Variants in KCNMB2 observed in about 807,000 individuals in gnomAD.
The protein encoded by KCNMB2 is calcium-activated potassium channel subunit beta-2.
In KCNMB2, 9 loss-of-function variants were observed where a neutral mutation model predicts 24.5. The ratio of observed to expected loss-of-function variants is 0.37; its 90% confidence interval spans 0.22 to 0.64. The LOEUF (loss-of-function observed/expected upper bound fraction) is 0.64, where lower values mean the gene tolerates loss of function less well. Ranked by LOEUF, KCNMB2 falls within the 30% of genes least tolerant of loss-of-function variation. KCNMB2 has a pLI of 0.63. For synonymous variants in KCNMB2, 109 were observed against 104.4 expected, an observed-to-expected ratio of 1.04 and a Z score of -0.27; for missense variants, 226 against 284.3, an observed-to-expected ratio of 0.79 and a Z score of 1.47.
chr3:178,621,733 T>TA (rs1039562611), intron 1 of KCNMB2, among the ~76,000 whole-genome samples: 4 of 146,704 alleles, frequency 2.7e-5, no homozygotes, highest in Non-Finnish European at 4.4e-5. Flanking sequence ...TTATCCAAAA[T>TA]AAAAAATAAA....
chr3:178,684,986 A>G (rs1721412732), intron 1 of KCNMB2, among the ~76,000 whole-genome samples: 1 of 152,234 alleles, frequency 6.6e-6, no homozygotes, highest in African/African-American at 2.4e-5. Flanking sequence ...TCTTACCTAA[A>G]GAAATGCATA....
At chr3:178,661,107 A>G (rs905868982) in intron 1 of KCNMB2, among the ~76,000 whole-genome samples, 17 of 152,168 alleles carry the variant, frequency 1.1e-4, no homozygotes, top group Admixed American at 7.9e-4. Context: ...CATCTACATT[A>G]GGTATTTCTC....
At chr3:178,839,807 G>A (rs763820852) in intron 4 of KCNMB2, among the ~76,000 whole-genome samples, 6 of 152,144 alleles carry the variant, frequency 3.9e-5, no homozygotes, top group Non-Finnish European at 8.8e-5. Context: ...TCCCTGACAC[G>A]TGGAAATTAC....
chr3:178,719,615 G>C (rs1294384843), intron 1 of KCNMB2, among the ~76,000 whole-genome samples: 1 of 152,168 alleles, frequency 6.6e-6, no homozygotes, highest in Non-Finnish European at 1.5e-5. Flanking sequence ...ATAAACTCAT[G>C]ATTTTTATGT....
intron 1 of KCNMB2, among the ~76,000 whole-genome samples, chr3:178,570,135 T>C (rs1716717975): frequency 6.6e-6 from 1 of 152,192 alleles, no homozygotes; most frequent in South Asian, 2.1e-4. Flanking sequence ...CAGAATGAAG[T>C]AGTTTGTTTT....
At chr3:178,722,049 G>A (rs886152724) in intron 1 of KCNMB2, among the ~76,000 whole-genome samples, 4 of 152,168 alleles carry the variant, frequency 2.6e-5, no homozygotes, top group East Asian at 3.9e-4. Context: ...CAGAGCAAAA[G>A]GTTTCATTTT....
intron 4 of KCNMB2, among the ~76,000 whole-genome samples, chr3:178,838,827 C>T (rs1715326384): frequency 6.6e-6 from 1 of 152,086 alleles, no homozygotes; most frequent in Non-Finnish European, 1.5e-5. Flanking sequence ...AGGTACCAAT[C>T]ACATTGTAAA....
At chr3:178,730,222 G>A (rs1189165682) in intron 1 of KCNMB2, among the ~76,000 whole-genome samples, 1 of 152,118 alleles carries the variant, frequency 6.6e-6, no homozygotes. Context: ...TTTGTGCTTT[G>A]AGGTGGCCCT....
chr3:178,779,568 T>G (rs1712737958), intron 1 of KCNMB2, among the ~76,000 whole-genome samples: 1 of 152,214 alleles, frequency 6.6e-6, no homozygotes, highest in Admixed American at 6.5e-5. Flanking sequence ...ATTTTATCTT[T>G]GCAATTTATT....
intron 1 of KCNMB2, among the ~76,000 whole-genome samples, chr3:178,731,965 G>C (rs1005642606): frequency 2.6e-5 from 4 of 152,144 alleles, no homozygotes; most frequent in Non-Finnish European, 5.9e-5. Flanking sequence ...AGGAAGTACA[G>C]GGGACAGAGG....
chr3:178,609,376 TTC>T (rs923752536), intron 1 of KCNMB2, among the ~76,000 whole-genome samples: 1 of 151,964 alleles, frequency 6.6e-6, no homozygotes, highest in Non-Finnish European at 1.5e-5. Flanking sequence ...TCCTTATGTA[TTC>T]TGATTATTAA....
At chr3:178,603,950 G>A (rs889955900) in intron 1 of KCNMB2, among the ~76,000 whole-genome samples, 2 of 152,108 alleles carry the variant, frequency 1.3e-5, no homozygotes, top group African/African-American at 4.8e-5. Flanking sequence ...TGGAGCAAGA[G>A]TTCTCACACT....
intron 1 of KCNMB2, among the ~76,000 whole-genome samples, chr3:178,767,159 C>A (rs978930466): frequency 1.3e-5 from 2 of 152,242 alleles, no homozygotes; most frequent in Admixed American, 6.5e-5. Flanking sequence ...GGTTGAAGGA[C>A]CCTGATCTAA....
In KCNMB2 at chr3:178,837,975, C is replaced by T. The variant is rs115713551; in HGVS notation, c.424-4678C>T. Among the ~76,000 whole-genome samples, 1,497 of 152,270 alleles carry T rather than the reference C, an allele frequency of 9.8e-3. 16 individuals are homozygous for T. The highest frequency in any genetic ancestry group is 0.035 in the African/African-American group (1,450 of 41,554). On this transcript the variant is annotated intron_variant, in intron 4 of 4. Transcript: ENST00000452583. ...ATTTTTACTGAGATCATTTCAATAA[C>T]TTAGCACTGTTCACCACTGAAATTG...
intron 1 of KCNMB2, chr3:178,801,881 A>G (rs1030156519): frequency 1.3e-5 from 2 of 152,094 alleles, no homozygotes; most frequent in Non-Finnish European, 2.9e-5. Context: ...CATGGACTGC[A>G]CTCCTTAGAA....
chr3:178,620,123 A>G (rs1186265807), intron 1 of KCNMB2, among the ~76,000 whole-genome samples: 2 of 152,186 alleles, frequency 1.3e-5, no homozygotes, highest in South Asian at 2.1e-4. Flanking sequence ...GTTTATATAT[A>G]TTATGATATG....
intron 1 of KCNMB2, among the ~76,000 whole-genome samples, chr3:178,802,412 T>G (rs1274172367): frequency 1.3e-5 from 2 of 152,112 alleles, no homozygotes; most frequent in East Asian, 3.9e-4. Flanking sequence ...TGCAACCACT[T>G]TGTTCTTTCC....
intron 1 of KCNMB2, among the ~76,000 whole-genome samples, chr3:178,581,087 G>A (rs1173741957): frequency 1.3e-5 from 2 of 152,156 alleles, no homozygotes; most frequent in African/African-American, 2.4e-5. Context: ...GAACAAAGCT[G>A]GAGGCATCAC....
At chr3:178,630,098 TA>T (rs1004505756) in intron 1 of KCNMB2, among the ~76,000 whole-genome samples, 31 of 152,344 alleles carry the variant, frequency 2.0e-4, no homozygotes, top group Admixed American at 3.9e-4. Context: ...TTCCTGCTTT[TA>T]CTTCCATGTA....
Sources: gnomAD v4.1 joint callset for allele counts (sites outside exome capture counted in the v4.1 genomes callset) on GRCh38, gnomAD v4.1.1 for gene constraint, MANE v1.5 for transcripts, NCBI Gene and HGNC (gene_info 2026-07-23, HGNC 2026-07-21) for gene names.